The following MARCHF1 variants were observed in gnomAD, a reference collection of about 807,000 sequenced individuals.
MARCHF1 encodes membrane associated ring-CH-type finger 1, also known as E3 ubiquitin-protein ligase MARCHF1.
MARCHF1 carries 40 observed loss-of-function variants against 54.2 expected under a neutral mutation model. The observed-to-expected ratio is 0.74, with a 90% CI of 0.57 to 0.96. The LOEUF (loss-of-function observed/expected upper bound fraction) is 0.96, where lower values mean the gene tolerates loss of function less well. MARCHF1 is among the 40% of genes least tolerant of loss of function. The pLI is 0.00. For synonymous variants in MARCHF1, 236 were observed against 236.3 expected (o/e 1.00, Z 0.01); for missense variants, 586 against 656.5 (o/e 0.89, Z 1.17).
chr4:163,700,563 A>C (rs1744779911), intron 5 of MARCHF1, among the ~76,000 whole-genome samples: 1 of 151,242 alleles, frequency 6.6e-6, no homozygotes, highest in South Asian at 2.1e-4. Context: ...GAAGGAAGGA[A>C]GGAAGGAAGG....
chr4:163,909,372 A>C (rs1253545087), intron 3 of MARCHF1, among the ~76,000 whole-genome samples: 1 of 152,200 alleles, frequency 6.6e-6, no homozygotes, highest in African/African-American at 2.4e-5. Context: ...CTGTCATTGC[A>C]AGCCCATAAA....
chr4:163,762,030 G>C (rs936486420), intron 4 of MARCHF1, among the ~76,000 whole-genome samples: 4 of 152,078 alleles, frequency 2.6e-5, no homozygotes, highest in Non-Finnish European at 5.9e-5. Flanking sequence ...TAAAGCAATA[G>C]GACAGGAATT....
chr4:163,599,618 A>G (rs1053024025), intron 7 of MARCHF1, among the ~76,000 whole-genome samples: 5 of 152,004 alleles, frequency 3.3e-5, no homozygotes, highest in African/African-American at 9.7e-5. Flanking sequence ...CTCTATTGCA[A>G]TTTATTGTTT....
chr4:163,800,521 A>G (rs1360139959), intron 4 of MARCHF1, among the ~76,000 whole-genome samples: 2 of 152,030 alleles, frequency 1.3e-5, no homozygotes, highest in Non-Finnish European at 2.9e-5. Context: ...GGATACTTAA[A>G]GTAGCTCCCT....
chr4:163,694,078 C>A (rs1418580319), intron 5 of MARCHF1, among the ~76,000 whole-genome samples: 2 of 152,132 alleles, frequency 1.3e-5, no homozygotes, highest in African/African-American at 4.8e-5. Flanking sequence ...TTTGCAGCTG[C>A]AAGTAGTGAG....
intron 2 of MARCHF1, among the ~76,000 whole-genome samples, chr4:164,096,197 A>T (rs1356595999): frequency 2.6e-5 from 4 of 152,198 alleles, no homozygotes; most frequent in Admixed American, 2.6e-4. Flanking sequence ...CTGACTAAAG[A>T]ATATGTGGTA....
chr4:163,532,748 TAAAC>T (rs1299769696), intron 9 of MARCHF1, among the ~76,000 whole-genome samples: 5 of 152,072 alleles, frequency 3.3e-5, no homozygotes, highest in Admixed American at 6.6e-5. Flanking sequence ...TCAATGAAGA[TAAAC>T]AGATGGTAAG....
intron 1 of MARCHF1, among the ~76,000 whole-genome samples, chr4:164,308,430 C>T (rs888503584): frequency 3.9e-5 from 6 of 152,078 alleles, no homozygotes; most frequent in African/African-American, 1.2e-4. Context: ...TTTTAAATCA[C>T]ACTCCCTGGA....
chr4:164,340,329 T>C (rs1435082098), intron 1 of MARCHF1, among the ~76,000 whole-genome samples: 3 of 146,686 alleles, frequency 2.0e-5, no homozygotes, highest in Admixed American at 6.9e-5. Flanking sequence ...CTCTGCCTCC[T>C]GGGCTGAAGC....
At chr4:163,738,299 A>C (rs982688307) in intron 4 of MARCHF1, among the ~76,000 whole-genome samples, 1 of 152,220 alleles carries the variant, frequency 6.6e-6, no homozygotes, top group Non-Finnish European at 1.5e-5. Context: ...CAAAGAACCA[A>C]AACCTTCTTT....
chr4:163,542,560 G>T (rs1738753498), intron 9 of MARCHF1, among the ~76,000 whole-genome samples: 1 of 152,182 alleles, frequency 6.6e-6, no homozygotes, highest in Non-Finnish European at 1.5e-5. Flanking sequence ...ACATACCACA[G>T]GTAATCTACC....
At chr4:164,222,315 T>C (rs1732138687) in intron 1 of MARCHF1, among the ~76,000 whole-genome samples, 1 of 151,938 alleles carries the variant, frequency 6.6e-6, no homozygotes, top group Non-Finnish European at 1.5e-5. Flanking sequence ...GATTGTTTCT[T>C]ATGTTTTAGG....
intron 1 of MARCHF1, among the ~76,000 whole-genome samples, chr4:164,321,175 G>C (rs1579718825): frequency 6.6e-6 from 1 of 152,278 alleles, no homozygotes; most frequent in Non-Finnish European, 1.5e-5. Flanking sequence ...ACATGCTGGT[G>C]ATAGAAAACC....
At chr4:164,338,581 G>T (rs1044354587) in intron 1 of MARCHF1, among the ~76,000 whole-genome samples, 1 of 151,866 alleles carries the variant, frequency 6.6e-6, no homozygotes, top group Non-Finnish European at 1.5e-5. Context: ...TCACACAAAT[G>T]GAAACAAAAA....
chr4:163,779,008 G>C (rs927046359), intron 4 of MARCHF1, among the ~76,000 whole-genome samples: 1 of 152,044 alleles, frequency 6.6e-6, no homozygotes, highest in African/African-American at 2.4e-5. Flanking sequence ...ACAATAAATA[G>C]AAGCATGCAG....
At chr4:163,860,599 T>C (rs1478579886) in intron 3 of MARCHF1, among the ~76,000 whole-genome samples, 2 of 152,140 alleles carry the variant, frequency 1.3e-5, no homozygotes, top group Non-Finnish European at 2.9e-5. Flanking sequence ...AGCCGAGAAA[T>C]ACAGGCTCAC....
At chr4:164,101,139 G>A (rs924178600) in intron 2 of MARCHF1, among the ~76,000 whole-genome samples, 1 of 152,228 alleles carries the variant, frequency 6.6e-6, no homozygotes, top group Non-Finnish European at 1.5e-5. Context: ...CTGATTGCTA[G>A]CACGGCAGTC....
chr4:164,372,468 A>G (rs1731063260), intron 1 of MARCHF1, among the ~76,000 whole-genome samples: 1 of 152,164 alleles, frequency 6.6e-6, no homozygotes, highest in African/African-American at 2.4e-5. Flanking sequence ...AAAGAAGTCA[A>G]TATTTTTTAA....
intron 1 of MARCHF1, among the ~76,000 whole-genome samples, chr4:164,205,995 C>T (rs758608621): frequency 6.6e-6 from 1 of 152,048 alleles, no homozygotes; most frequent in Non-Finnish European, 1.5e-5. Context: ...AAACTACATT[C>T]AAAAAATACC....
Sources: gnomAD v4.1 joint callset for allele counts (sites outside exome capture counted in the v4.1 genomes callset) on GRCh38, gnomAD v4.1.1 for gene constraint, MANE v1.5 for transcripts, NCBI Gene and HGNC (gene_info 2026-07-23, HGNC 2026-07-21) for gene names.